Variants in FZR1 observed in about 807,000 individuals in gnomAD.
FZR1 encodes fizzy and cell division cycle 20 related 1.
Under a neutral mutation model 63.6 loss-of-function variants are expected in FZR1, and 11 were observed. That is an observed-to-expected ratio of 0.17 (90% CI 0.11 to 0.29). FZR1 has a LOEUF of 0.29. Among genes scored for constraint, FZR1 ranks in the 10% least tolerant of loss-of-function variants. The pLI, the probability that FZR1 is intolerant of heterozygous loss-of-function variation, is 1.00. For synonymous variants in FZR1, 328 were observed against 297.9 expected (o/e 1.10, Z -1.04); for missense variants, 440 against 687.5 (o/e 0.64, Z 4.03).
chr19:3,517,009 A>G (rs899726092), intron 1 of FZR1, among the ~76,000 whole-genome samples: 1 of 152,250 alleles, frequency 6.6e-6, no homozygotes, highest in Non-Finnish European at 1.5e-5. Flanking sequence ...ATTTTAGCCA[A>G]TCACAACCAG....
At chr19:3,506,745 C>T (rs2082986429) in intron 1 of FZR1, among the ~76,000 whole-genome samples, 1 of 151,968 alleles carries the variant, frequency 6.6e-6, no homozygotes, top group Non-Finnish European at 1.5e-5. Context: ...ACCTGTAAGT[C>T]GTGACCTCCC....
At chr19:3,527,963 A>AGCCCTCCCAGCCACT (rs2083177912) in intron 7 of FZR1, 149 bp downstream of exon 7, 1 of 557,520 alleles carries the variant, frequency 1.8e-6, no homozygotes, top group Admixed American at 3.7e-5. Flanking sequence ...TCCCAGCCAC[A>AGCCCTCCCAGCCACT]GCCCTCCCAG....
At chr19:3,513,363 C>T (rs1047590830) in intron 1 of FZR1, among the ~76,000 whole-genome samples, 7 of 152,178 alleles carry the variant, frequency 4.6e-5, no homozygotes, top group Non-Finnish European at 8.8e-5. Context: ...GCAGCTTCCC[C>T]GTGGGCAGGG....
intron 1 of FZR1, among the ~76,000 whole-genome samples, chr19:3,513,212 A>T (rs886399617): frequency 3.3e-5 from 5 of 151,922 alleles, no homozygotes; most frequent in Admixed American, 3.3e-4. Flanking sequence ...ACCGCCATCC[A>T]GCAACTTTGC....
intron 6 of FZR1, 25 bp downstream of exon 6, chr19:3,527,087 C>T (rs1387969800): frequency 6.7e-7 from 1 of 1,494,556 alleles, no homozygotes; most frequent in Admixed American, 1.7e-5. Context: ...CCTCCGCAGC[C>T]CTCCCTACTC....
Position 3,526,027 on chromosome 19 carries a change from C to A in FZR1, c.195+34C>A, listed in dbSNP as rs769810129. On this transcript the variant is annotated intron_variant, in intron 3 of 13. Coordinates refer to ENST00000441788, the MANE Select transcript of FZR1 (RefSeq NM_016263.4). The surrounding 1 kb of genome is among the most constrained non-coding windows in gnomAD (Gnocchi z 5.4). ...CTGGCTGGGCAGGAGATGGGACCCC[C>A]CGGGAAGCCCAGGGCCCCTCCCAGC... is the stretch of plus-strand genomic sequence containing the variant. The A allele has an allele frequency of 6.2e-7, 1 of 1,611,444 alleles. No individual in the cohort carries two copies. Among genetic ancestry groups the A allele is most frequent in the Non-Finnish European group, 8.5e-7 (1 of 1,179,332 alleles).
At chr19:3,534,760 G>C in intron 13 of FZR1, 35 bp from the exon 14 acceptor site, 1 of 1,603,280 alleles carries the variant, frequency 6.2e-7, no homozygotes, top group South Asian at 1.1e-5. Context: ...CTGGGCCTGC[G>C]GCTCAGCGCA....
intron 1 of FZR1, among the ~76,000 whole-genome samples, chr19:3,519,376 G>A (rs571833374): frequency 1.3e-5 from 2 of 152,346 alleles, no homozygotes; most frequent in South Asian, 2.1e-4. Context: ...TTGTGAAGCC[G>A]CCAGTGCTGG....
intron 1 of FZR1, among the ~76,000 whole-genome samples, chr19:3,510,414 C>T (rs971312141): frequency 2.0e-5 from 3 of 152,210 alleles, no homozygotes; most frequent in Non-Finnish European, 4.4e-5. Context: ...GGATTACTGG[C>T]GGAGCCAGCA....
chr19:3,531,780 A>G lies in FZR1; in HGVS notation c.787A>G (p.Lys263Glu). Residue 263 changes from lysine (K) to glutamate (E), a missense_variant, in exon 9 of 14, where the codon AAG becomes GAG. Lys to Glu is a moderately conservative substitution (Grantham distance 56, BLOSUM62 1). Transcript: ENST00000441788. ...GATCTGGGACGCAGCCGCAGGGAAG[A>G]AGCTGTCCATGTTGGAGGGCCACAC... ...VQIWDAAAGK[K>E]LSMLEGHTAR... 1 of 1,550,280 alleles carries G rather than the reference A, an allele frequency of 6.5e-7. No homozygotes were observed. The highest frequency in any genetic ancestry group is 8.7e-7 in the Non-Finnish European group (1 of 1,146,716).
rs775745495 is a variant in FZR1 at position 3,526,223 on chromosome 19, T to C, written c.260-36T>C. 4 of 1,611,504 alleles carry C rather than the reference T, an allele frequency of 2.5e-6. No individual in the cohort carries two copies. Among genetic ancestry groups the C allele is most frequent in the South Asian group, 1.1e-5 (1 of 91,056 alleles). On this transcript the variant is annotated intron_variant, in intron 4 of 13. Coordinates refer to ENST00000441788, the MANE Select transcript of FZR1 (RefSeq NM_016263.4). This position sits in a 1 kb window ranked among gnomAD's most constrained non-coding sequence, Gnocchi z 5.4. ...CCATCCGCCCTGCAGGCCCCCACCC[T>C]GCCTTGCCCCGCCTCACTGTGCTTG...
intron 1 of FZR1, among the ~76,000 whole-genome samples, chr19:3,509,558 G>A (rs1187934149): frequency 1.3e-5 from 2 of 152,180 alleles, no homozygotes; most frequent in Admixed American, 6.5e-5. Context: ...ACAGGCTCGG[G>A]CCGCCATCAC....
intron 1 of FZR1, among the ~76,000 whole-genome samples, chr19:3,508,551 T>C (rs1041563965): frequency 1.4e-4 from 22 of 152,204 alleles, no homozygotes; most frequent in African/African-American, 5.3e-4. Context: ...TAGAGGGGTT[T>C]TGTAGACTGA....
At position 3,506,460 on chromosome 19, in the gene FZR1, A is replaced by C. The variant is rs1197188927; in HGVS notation, c.-49A>C. The C allele has an allele frequency of 6.6e-6, 1 of 151,398 alleles. No individual in the cohort carries two copies. The highest frequency in any genetic ancestry group is 2.4e-5 in the African/African-American group (1 of 41,236). 9.4% of individuals were successfully genotyped at this position (151,398 alleles called of 1,614,324 possible). On this transcript the variant is annotated 5_prime_UTR_variant, in exon 1 of 14. Transcript: ENST00000441788. ...CGGGGTCGGCGGGAGCCAGCGAGCC[A>C]CGGGAGCGAGCCAGGTGAGGCGGCC... is the stretch of plus-strand genomic sequence containing the variant.
At chr19:3,521,618 C>G (rs1482072514) in intron 1 of FZR1, among the ~76,000 whole-genome samples, 1 of 152,068 alleles carries the variant, frequency 6.6e-6, no homozygotes, top group Non-Finnish European at 1.5e-5. Context: ...CCTCCTGCCT[C>G]AGCCTCCTGA....
intron 13 of FZR1, 32 bp downstream of exon 13, chr19:3,534,545 C>T: frequency 7.2e-7 from 1 of 1,392,330 alleles, no homozygotes; most frequent in Non-Finnish European, 1.0e-6. Flanking sequence ...GCCACTCGCC[C>T]CCGCCCCAGC....
At chr19:3,520,726 C>G (rs1371889345) in intron 1 of FZR1, among the ~76,000 whole-genome samples, 2 of 152,262 alleles carry the variant, frequency 1.3e-5, no homozygotes, top group African/African-American at 4.8e-5. Context: ...ATCTCCAACC[C>G]CAGGCCGGGA....
intron 2 of FZR1, among the ~76,000 whole-genome samples, chr19:3,524,090 CAGAG>C (rs950933425): frequency 1.3e-5 from 2 of 152,098 alleles, no homozygotes; most frequent in Non-Finnish European, 2.9e-5. Context: ...TCAGGGATTT[CAGAG>C]AGAGAGAGGC....
At position 3,533,385 on chromosome 19, in the gene FZR1, G is replaced by A. The variant is rs1475281091; in HGVS notation, c.1334G>A (p.Arg445His). The A allele has an allele frequency of 6.2e-7, 1 of 1,608,068 alleles. No homozygotes were observed. Among genetic ancestry groups the A allele is most frequent in the Non-Finnish European group, 8.5e-7 (1 of 1,175,386 alleles). Residue 445 changes from arginine to histidine, a missense_variant, in exon 12 of 14, where the codon CGC (arginine) becomes CAC (histidine). Transcript: ENST00000441788. This position sits in a 1 kb window ranked among gnomAD's most constrained non-coding sequence, Gnocchi z 4.9. ...GCCAAGCTGACCGGGCACTCCTACC[G>A]CGTGCTGTACCTGGTGAGTTCACGC... is the stretch of plus-strand genomic sequence containing the variant. ...QVAKLTGHSYRVLYLAMSPDG... is the reference protein window; with the variant it reads ...QVAKLTGHSYHVLYLAMSPDG...
Sources: allele counts gnomAD v4.1 joint callset (sites outside exome capture counted in the v4.1 genomes callset), GRCh38; gene constraint gnomAD v4.1.1; non-coding constraint Gnocchi (gnomAD v3.1); transcripts MANE v1.5; gene names NCBI Gene and HGNC (gene_info 2026-07-23, HGNC 2026-07-21).